PAX5: variants seen among roughly 807,000 people sequenced by gnomAD.
The protein encoded by PAX5 is paired box protein Pax-5.
PAX5 carries 9 observed loss-of-function variants against 43.7 expected under a neutral mutation model. That is an observed-to-expected ratio of 0.21 (90% confidence interval 0.12 to 0.36). PAX5 has a LOEUF of 0.36. PAX5 is among the 10% of genes least tolerant of loss of function. The probability of loss-of-function intolerance (pLI) is 1.00; values close to 1 mark genes in which losing one functional copy is unlikely to be tolerated. For synonymous variants in PAX5, 228 were observed against 214.3 expected (o/e 1.06, Z -0.56); for missense variants, 383 against 532.7 (o/e 0.72, Z 2.77).
chr9:36,999,948 C>T (rs980346769), intron 5 of PAX5, among the ~76,000 whole-genome samples: 5 of 152,076 alleles, frequency 3.3e-5, no homozygotes, highest in Non-Finnish European at 7.4e-5. Context: ...GCCTCCAAAG[C>T]GCATCTCTGA....
chr9:36,926,147 A>G (rs1357909898), intron 6 of PAX5, among the ~76,000 whole-genome samples: 1 of 152,214 alleles, frequency 6.6e-6, no homozygotes, highest in Non-Finnish European at 1.5e-5. Context: ...CTAAGTTCAT[A>G]CAGCTTCTAG....
intron 8 of PAX5, among the ~76,000 whole-genome samples, chr9:36,869,761 AG>A (rs144368200): frequency 0.014 from 2,130 of 152,280 alleles, 59 homozygotes; most frequent in African/African-American, 0.048. Context: ...AAATGTTGGA[AG>A]GGAGAAGGAA....
intron 6 of PAX5, among the ~76,000 whole-genome samples, chr9:36,948,267 T>C (rs1191983258): frequency 6.6e-6 from 1 of 152,110 alleles, no homozygotes; most frequent in Non-Finnish European, 1.5e-5. Context: ...AGCCCGACCA[T>C]AAGTGGGAGC....
intron 7 of PAX5, among the ~76,000 whole-genome samples, chr9:36,892,078 A>G (rs1827445112): frequency 6.6e-6 from 1 of 152,326 alleles, no homozygotes; most frequent in South Asian, 2.1e-4. Context: ...CAGCCCCCGG[A>G]ACCAGCAACT....
At chr9:36,881,854 C>A in intron 8 of PAX5, 150 bp downstream of exon 8, 1 of 666,214 alleles carries the variant, frequency 1.5e-6, no homozygotes, top group Admixed American at 2.3e-5. Flanking sequence ...CCACTGCAGG[C>A]CCAGCTGCAG....
At chr9:36,843,150 G>A (rs1414422816) in intron 9 of PAX5, among the ~76,000 whole-genome samples, 1 of 152,048 alleles carries the variant, frequency 6.6e-6, no homozygotes, top group Non-Finnish European at 1.5e-5. Flanking sequence ...GTGCATGTGT[G>A]TGTGTAGGGT....
chr9:36,968,820 T>C (rs1008375189), intron 5 of PAX5, among the ~76,000 whole-genome samples: 26 of 152,206 alleles, frequency 1.7e-4, no homozygotes, highest in African/African-American at 6.0e-4. Context: ...CTAGCAGGTA[T>C]GGGAGCTCAC....
intron 6 of PAX5, among the ~76,000 whole-genome samples, chr9:36,948,146 G>C (rs1460154631): frequency 6.6e-6 from 1 of 152,196 alleles, no homozygotes; most frequent in Non-Finnish European, 1.5e-5. Flanking sequence ...CTGAGTGAGG[G>C]GGAGCAAACT....
intron 6 of PAX5, among the ~76,000 whole-genome samples, chr9:36,928,311 G>A (rs760994108): frequency 1.3e-5 from 2 of 152,162 alleles, no homozygotes; most frequent in African/African-American, 2.4e-5. Context: ...CTCTCACTCC[G>A]TGACTTAGAG....
chr9:36,950,391 C>T (rs539638408), intron 6 of PAX5, among the ~76,000 whole-genome samples: 1 of 152,332 alleles, frequency 6.6e-6, no homozygotes, highest in African/African-American at 2.4e-5. Context: ...GAAATGCAAC[C>T]ACATGCGTCA....
chr9:36,862,196 G>A (rs777095225), intron 8 of PAX5, among the ~76,000 whole-genome samples: 1 of 152,180 alleles, frequency 6.6e-6, no homozygotes. Flanking sequence ...GGGTCCCTAC[G>A]GGGTTGTGGT....
At chr9:36,893,561 C>T (rs1178799727) in intron 7 of PAX5, 2 of 154,382 alleles carry the variant, frequency 1.3e-5, no homozygotes, top group Non-Finnish European at 2.9e-5. Flanking sequence ...ATAGTTCCGA[C>T]GAGCTCAGTG....
intron 8 of PAX5, among the ~76,000 whole-genome samples, chr9:36,871,284 A>C (rs1825468416): frequency 6.6e-6 from 1 of 152,220 alleles, no homozygotes; most frequent in African/African-American, 2.4e-5. Context: ...TCCTGGATTC[A>C]TGCCCACTCT....
intron 5 of PAX5, among the ~76,000 whole-genome samples, chr9:36,989,235 C>A (rs865925494): frequency 3.3e-5 from 5 of 152,296 alleles, no homozygotes; most frequent in South Asian, 4.2e-4. Flanking sequence ...GAATCAAAGC[C>A]CCATGTTGGA....
chr9:36,927,563 G>A (rs1830744489), intron 6 of PAX5, among the ~76,000 whole-genome samples: 1 of 152,182 alleles, frequency 6.6e-6, no homozygotes. Flanking sequence ...ACATGCAGCG[G>A]GAGGTCCGAA....
intron 8 of PAX5, among the ~76,000 whole-genome samples, chr9:36,867,443 A>C (rs1438500310): frequency 6.6e-6 from 1 of 152,136 alleles, no homozygotes. Context: ...CAAACCATTT[A>C]AGCCTCAGTT....
At chr9:37,020,941 G>C (rs1033764255) in intron 1 of PAX5, 140 bp from the exon 2 acceptor site, 25 of 776,932 alleles carry the variant, frequency 3.2e-5, no homozygotes, top group Middle Eastern at 5.6e-4. Context: ...GAGTCCAATC[G>C]TGCAAACTAC....
At chr9:36,958,854 C>G (rs1222138173) in intron 6 of PAX5, among the ~76,000 whole-genome samples, 1 of 152,238 alleles carries the variant, frequency 6.6e-6, no homozygotes, top group African/African-American at 2.4e-5. Context: ...CTACTCCTCC[C>G]CCATGGGACC....
intron 5 of PAX5, among the ~76,000 whole-genome samples, chr9:36,995,138 C>G (rs1321979904): frequency 6.6e-6 from 1 of 152,226 alleles, no homozygotes; most frequent in Non-Finnish European, 1.5e-5. Flanking sequence ...CTTCCTGCCC[C>G]CAAAGCCACA....
Sources: gnomAD v4.1 joint callset for allele counts (sites outside exome capture counted in the v4.1 genomes callset) on GRCh38, gnomAD v4.1.1 for gene constraint, MANE v1.5 for transcripts, NCBI Gene and HGNC (gene_info 2026-07-23, HGNC 2026-07-21) for gene names.